GAK: variants seen among roughly 807,000 people sequenced by gnomAD.
GAK encodes cyclin-G-associated kinase.
A neutral mutation model predicts 143.9 loss-of-function variants in GAK; 79 were observed. That is an observed-to-expected ratio of 0.55 (90% confidence interval 0.46 to 0.66). The LOEUF (loss-of-function observed/expected upper bound fraction) is 0.66, where lower values mean the gene tolerates loss of function less well. Among genes scored for constraint, GAK ranks in the 30% least tolerant of loss-of-function variants. The pLI, the probability that GAK is intolerant of heterozygous loss-of-function variation, is 0.00. For missense variants in GAK, 1,693 were observed against 1,779.7 expected (o/e 0.95, Z 0.88); for synonymous variants, 881 against 765.5 (o/e 1.15, Z -2.49).
chr4:877,584 G>C (rs1195216525), intron 16 of GAK, 31 bp downstream of exon 16: 4 of 1,540,880 alleles, frequency 2.6e-6, no homozygotes, highest in Non-Finnish European at 2.6e-6. Context: ...GAGGAGGAGG[G>C]AGCACAGCGT....
In GAK at chr4:883,318, G is replaced by C. The variant is rs1022056711; in HGVS notation, c.1401C>G (p.Asn467Lys). 2 of 1,613,288 alleles carry C rather than the reference G, an allele frequency of 1.2e-6. No homozygotes were observed. Among genetic ancestry groups the C allele is most frequent in the Non-Finnish European group, 1.7e-6 (2 of 1,179,932 alleles). Residue 467 changes from asparagine (N) to lysine (K), a missense_variant, in exon 13 of 28, where the codon AAC (asparagine) becomes AAG (lysine). This residue lies in a region of GAK where 871 missense variants were observed against 991.0 expected (regional missense o/e 0.88). Transcript: ENST00000314167. ...PRTYRPSRFHNRVSECGWAAR... is the reference protein window; with the variant it reads ...PRTYRPSRFHKRVSECGWAAR... ...GACAAAGCCTGTGGCCACACACCCG[G>C]TTGTGGAACCTGGAGGGCCGGTAGG...
intron 5 of GAK, among the ~76,000 whole-genome samples, chr4:898,895 C>G (rs550476479): frequency 2.8e-4 from 43 of 152,214 alleles, no homozygotes; most frequent in African/African-American, 9.6e-4. Context: ...ACACAAAGAA[C>G]TAGAAAGGGC....
chr4:874,574 C>T (rs955675575), intron 18 of GAK, among the ~76,000 whole-genome samples: 2 of 152,128 alleles, frequency 1.3e-5, no homozygotes, highest in South Asian at 2.1e-4. Context: ...TGCATTCCCA[C>T]CCCGTCCTGT....
chr4:889,059 C>G, intron 10 of GAK, 89 bp from the exon 11 acceptor site: 1 of 1,418,270 alleles, frequency 7.1e-7, no homozygotes, highest in Non-Finnish European at 9.3e-7. Context: ...GCCCCAGGCG[C>G]TCGGTCCCAC....
Position 851,011 on chromosome 4 carries a change from G to C in GAK, c.3582C>G (p.Asp1194Glu), listed in dbSNP as rs377387724. The C allele has an allele frequency of 3.5e-5, 57 of 1,613,958 alleles. No homozygotes were observed. Among genetic ancestry groups the C allele is most frequent in the Non-Finnish European group, 4.6e-5 (54 of 1,179,968 alleles). ...LSNQGFSSRS[D>E]KKGPKTIAEM... Reference sequence around the variant, plus strand: ...CTGCAATGGTCTTTGGCCCTTTCTTGTCAGACCTGGAGGAGAAGCCTTGAT... The same window carrying C: ...CTGCAATGGTCTTTGGCCCTTTCTTCTCAGACCTGGAGGAGAAGCCTTGAT... The change falls in exon 26 of 28, where the codon GAC (aspartate) becomes GAG (glutamate). Residue 1194 changes from aspartate to glutamate, a missense_variant. By Grantham distance (45) the Asp-to-Glu change is conservative (BLOSUM62 2). Coordinates refer to ENST00000314167, the MANE Select transcript of GAK (RefSeq NM_005255.4).
chr4:913,601 C>A lies in GAK; in HGVS notation c.207+6G>T. 3.1e-6 allele frequency: 5 copies of A among 1,608,830 alleles called. No individual in the cohort carries two copies. The highest frequency in any genetic ancestry group is 4.3e-6 in the Non-Finnish European group (5 of 1,175,236). ...AATCCAGAGAAGGCGTTAAATGGTT[C>A]ATTACCTTTAATGCATACTCTCTGC... is the stretch of plus-strand genomic sequence containing the variant. On this transcript the variant is annotated splice_donor_region_variant and intron_variant, in intron 2 of 27. Transcript: ENST00000314167.
chr4:929,098 A>G (rs1725280631), intron 1 of GAK, among the ~76,000 whole-genome samples: 1 of 152,200 alleles, frequency 6.6e-6, no homozygotes, highest in Admixed American at 6.5e-5. Flanking sequence ...GGAAGCCTCC[A>G]AAAGCCATGT....
chr4:903,231 C>T (rs1720296074), intron 5 of GAK, among the ~76,000 whole-genome samples: 1 of 150,608 alleles, frequency 6.6e-6, no homozygotes, highest in Non-Finnish European at 1.5e-5. Flanking sequence ...CAGGACGGCC[C>T]TTTTACATGC....
chr4:914,233 C>T (rs1402346150), intron 1 of GAK, among the ~76,000 whole-genome samples: 1 of 76,454 alleles, frequency 1.3e-5, no homozygotes. Flanking sequence ...ACAGCCCCAG[C>T]GTGCACGGCC....
intron 5 of GAK, among the ~76,000 whole-genome samples, chr4:900,119 C>G (rs913139237): frequency 2.6e-5 from 4 of 152,274 alleles, no homozygotes; most frequent in African/African-American, 9.6e-5. Context: ...GAGTGCCCAT[C>G]CCCTCGCGTG....
intron 4 of GAK, among the ~76,000 whole-genome samples, chr4:909,458 G>A (rs1224020382): frequency 1.3e-5 from 2 of 152,218 alleles, no homozygotes; most frequent in East Asian, 1.9e-4. Context: ...GGCCGGGTGC[G>A]ACGTGTCAGG....
At chr4:868,332 T>C (rs909751956) in intron 20 of GAK, among the ~76,000 whole-genome samples, 1 of 151,986 alleles carries the variant, frequency 6.6e-6, no homozygotes, top group African/African-American at 2.4e-5. Context: ...GGCATGTTCT[T>C]TTTTTTTCAC....
chr4:860,171 G>C (rs1750017962), intron 23 of GAK, among the ~76,000 whole-genome samples: 2 of 151,968 alleles, frequency 1.3e-5, no homozygotes, highest in South Asian at 2.1e-4. Flanking sequence ...CATGCATGTG[G>C]TCCCAGCTAC....
chr4:881,168 CCT>C (rs901290231), intron 15 of GAK, among the ~76,000 whole-genome samples: 27 of 152,314 alleles, frequency 1.8e-4, no homozygotes, highest in African/African-American at 6.0e-4. Flanking sequence ...TGGGGAGTCC[CCT>C]GACGCTTGGG....
chr4:876,489 C>A, intron 18 of GAK, 41 bp downstream of exon 18: 1 of 1,556,548 alleles, frequency 6.4e-7, no homozygotes, highest in East Asian at 2.2e-5. Context: ...CGGCACAGGG[C>A]ACCTGTCCCT....
chr4:913,667 T>C lies in GAK; in HGVS notation c.147A>G (p.Gly49=), dbSNP rs1345715870. The change falls in exon 2 of 28, where the codon GGA becomes GGG. Residue 49 remains glycine (G), a splice_region_variant and synonymous_variant. Transcript: ENST00000314167. ...RLRVRRVLAE[G]GFAFVYEAQD... is the part of the protein sequence containing the mutation. ...GAGCTTCATACACAAATGCAAACCC[T>C]CCTGAAAATTAAAAAGACTTGTCAG... 1 of 1,612,444 alleles carries C rather than the reference T, an allele frequency of 6.2e-7. No homozygotes were observed. Among genetic ancestry groups the C allele is most frequent in the Non-Finnish European group, 8.5e-7 (1 of 1,178,560 alleles).
intron 4 of GAK, among the ~76,000 whole-genome samples, chr4:909,259 T>A (rs1230491193): frequency 6.6e-6 from 1 of 152,216 alleles, no homozygotes; most frequent in Non-Finnish European, 1.5e-5. Context: ...TCCCGACAAA[T>A]CTTAATCCCA....
At chr4:855,457 G>A (rs889798881) in intron 24 of GAK, among the ~76,000 whole-genome samples, 2 of 152,152 alleles carry the variant, frequency 1.3e-5, no homozygotes, top group South Asian at 2.1e-4. Flanking sequence ...CGACCTTACT[G>A]AACTCATAGT....
intron 3 of GAK, chr4:912,308 T>C: frequency 2.5e-6 from 1 of 393,644 alleles, no homozygotes; most frequent in Non-Finnish European, 5.2e-6. Flanking sequence ...CCCCGCCCAG[T>C]CATGCTGGGA....
Sources: gnomAD v4.1 joint callset for allele counts (sites outside exome capture counted in the v4.1 genomes callset) on GRCh38, gnomAD v4.1.1 for gene constraint, gnomAD v4.1.1 regional missense constraint, MANE v1.5 for transcripts, NCBI Gene and HGNC (gene_info 2026-07-23, HGNC 2026-07-21) for gene names.